Variants in FBXL17 observed in about 807,000 individuals in gnomAD.
FBXL17 encodes the protein F-box and leucine rich repeat protein 17.
In FBXL17, 22 loss-of-function variants were observed where a neutral mutation model predicts 66.2. That is an observed-to-expected ratio of 0.33 (90% CI 0.24 to 0.47). The LOEUF is 0.47. FBXL17 is among the 20% of genes least tolerant of loss of function. The probability of loss-of-function intolerance (pLI) is 1.00; values close to 1 mark genes in which losing one functional copy is unlikely to be tolerated. For synonymous variants in FBXL17, 474 were observed against 400.5 expected (o/e 1.18, Z -2.19); for missense variants, 878 against 948.2 (o/e 0.93, Z 0.97).
At chr5:108,284,477 T>C (rs1480885984) in intron 4 of FBXL17, among the ~76,000 whole-genome samples, 1 of 151,890 alleles carries the variant, frequency 6.6e-6, no homozygotes, top group East Asian at 1.9e-4. Flanking sequence ...ATATTCGTAT[T>C]CCTAAGTGTA....
At chr5:108,063,103 A>G (rs2112847949) in intron 6 of FBXL17, among the ~76,000 whole-genome samples, 1 of 152,278 alleles carries the variant, frequency 6.6e-6, no homozygotes, top group Middle Eastern at 3.4e-3. Flanking sequence ...AGTAGTTTAT[A>G]CCCAAGCATG....
intron 7 of FBXL17, among the ~76,000 whole-genome samples, chr5:107,953,735 A>G (rs1336055848): frequency 6.6e-6 from 1 of 152,012 alleles, no homozygotes; most frequent in African/African-American, 2.4e-5. Context: ...ATCATCTTTG[A>G]CTCCTTCCTT....
At chr5:108,254,781 T>G (rs906977751) in intron 4 of FBXL17, among the ~76,000 whole-genome samples, 1 of 152,210 alleles carries the variant, frequency 6.6e-6, no homozygotes, top group Non-Finnish European at 1.5e-5. Context: ...CCCTACCCTC[T>G]GCTTTCTTTA....
At chr5:108,307,554 C>T (rs1324516746) in intron 4 of FBXL17, among the ~76,000 whole-genome samples, 1 of 152,072 alleles carries the variant, frequency 6.6e-6, no homozygotes, top group Non-Finnish European at 1.5e-5. Flanking sequence ...GCAATCCTCC[C>T]ACCTTGGCCT....
At position 108,265,597 on chromosome 5, in the gene FBXL17, G is replaced by A. The variant is rs530753962; in HGVS notation, c.1507-41369C>T. ...AATGAAACCAACCATTGTTCTTAGG[G>A]CTCACATACACAGTAACATCCTTAC... On this transcript the variant is annotated intron_variant, in intron 4 of 8. Coordinates refer to ENST00000542267, the MANE Select transcript of FBXL17 (RefSeq NM_001163315.3). Among the ~76,000 whole-genome samples, 3 of 151,960 alleles carry A rather than the reference G, an allele frequency of 2.0e-5. No homozygotes were observed. The South Asian group carries it at 6.2e-4, about 32-fold the overall frequency.
At position 108,056,622 on chromosome 5, in the gene FBXL17, G is replaced by C. The variant is rs372145321; in HGVS notation, c.1746-35621C>G. The stretch of plus-strand genomic sequence containing the variant: ...TCAGTGAGATGTAGGCAGCCACAGT[G>C]TTGAGACAGTGCTGTGACTACAAAT... On this transcript the variant is annotated intron_variant, in intron 6 of 8. Coordinates refer to ENST00000542267, the MANE Select transcript of FBXL17 (RefSeq NM_001163315.3). Among the ~76,000 whole-genome samples the C allele has an allele frequency of 2.4e-4, 36 of 152,288 alleles. No individual in the cohort carries two copies. In the South Asian group the frequency reaches 7.3e-3, roughly 31 times the overall value.
intron 6 of FBXL17, among the ~76,000 whole-genome samples, chr5:108,105,968 C>T (rs1749779456): frequency 6.6e-6 from 1 of 152,134 alleles, no homozygotes; most frequent in Admixed American, 6.5e-5. Flanking sequence ...TTACATATTG[C>T]TTTACTGGAT....
At chr5:108,219,928 C>CTTTTTTTTTT in intron 5 of FBXL17, among the ~76,000 whole-genome samples, 742 of 37,418 alleles carry the variant, frequency 0.02, no homozygotes, top group Non-Finnish European at 0.024. Flanking sequence ...TTACTATTTC[C>CTTTTTTTTTT]TTTTTTTTTT....
chr5:108,274,618 G>T (rs1291187097), intron 4 of FBXL17, among the ~76,000 whole-genome samples: 1 of 152,176 alleles, frequency 6.6e-6, no homozygotes, highest in Non-Finnish European at 1.5e-5. Flanking sequence ...ATTAAAGACA[G>T]GCATAGGAAA....
At chr5:107,935,180 CT>C (rs1371765893) in intron 7 of FBXL17, among the ~76,000 whole-genome samples, 3 of 151,814 alleles carry the variant, frequency 2.0e-5, no homozygotes, top group African/African-American at 7.3e-5. Flanking sequence ...ATATTAGATT[CT>C]GGTTGTTATG....
chr5:107,975,730 A>G (rs1752552054), intron 7 of FBXL17, among the ~76,000 whole-genome samples: 1 of 152,172 alleles, frequency 6.6e-6, no homozygotes, highest in Admixed American at 6.5e-5. Context: ...GTTTTCTTCA[A>G]TAAGACACAA....
intron 7 of FBXL17, among the ~76,000 whole-genome samples, chr5:107,893,827 G>A (rs990046497): frequency 6.6e-6 from 1 of 152,104 alleles, no homozygotes; most frequent in Non-Finnish European, 1.5e-5. Flanking sequence ...ATGCAGTTTG[G>A]AAAAAGCTGA....
intron 4 of FBXL17, among the ~76,000 whole-genome samples, chr5:108,268,653 C>A (rs969050159): frequency 6.6e-6 from 1 of 151,552 alleles, no homozygotes; most frequent in East Asian, 1.9e-4. Context: ...AGGAAAGAAA[C>A]GCATTTTCTT....
chr5:108,299,303 C>A (rs1758482087), intron 4 of FBXL17: 1 of 984,480 alleles, frequency 1.0e-6, no homozygotes, highest in African/African-American at 1.7e-5. Context: ...ACCTGAGGTT[C>A]TCACCCACCC....
At chr5:108,356,825 G>A (rs1420249889) in intron 3 of FBXL17, among the ~76,000 whole-genome samples, 1 of 151,858 alleles carries the variant, frequency 6.6e-6, no homozygotes, top group Non-Finnish European at 1.5e-5. Context: ...TATGGGCTTT[G>A]GAAATAAAGA....
intron 6 of FBXL17, among the ~76,000 whole-genome samples, chr5:108,048,377 A>G (rs1747339178): frequency 6.6e-6 from 1 of 152,224 alleles, no homozygotes; most frequent in African/African-American, 2.4e-5. Flanking sequence ...CTGAAAACCC[A>G]AGAGGCCAGA....
Position 108,381,421 on chromosome 5 carries a change from A to T in FBXL17, c.271T>A (p.Tyr91Asn). 7.6e-7 allele frequency: 1 copy of T among 1,321,544 alleles called. No individual in the cohort carries two copies. Among genetic ancestry groups the T allele is most frequent in the Non-Finnish European group, 9.6e-7 (1 of 1,044,178 alleles). The allele number at this position is 1,321,544 out of a possible 1,614,324, so 81.9% of individuals were successfully genotyped here. The change falls in exon 1 of 9, where the codon TAC becomes AAC. Residue 91 changes from tyrosine to asparagine, a missense_variant. This residue lies in a region of FBXL17 where 605 missense variants were observed against 509.5 expected (regional missense o/e 1.19). Transcript: ENST00000542267. The stretch of plus-strand genomic sequence containing the variant: ...TGCTGAGAGGAGGAGGCGGCAGCGT[A>T]GGCCCCGTCCCGCGGCGGCGGCGAG... ...PLSPPPRDGA[Y>N]AAASSSQHLA...
At chr5:108,341,425 G>C (rs1746873839) in intron 4 of FBXL17, among the ~76,000 whole-genome samples, 1 of 152,150 alleles carries the variant, frequency 6.6e-6, no homozygotes, top group African/African-American at 2.4e-5. Flanking sequence ...TAAGACAACA[G>C]AGACTTGAAG....
chr5:108,159,497 G>T (rs747659589), intron 6 of FBXL17, among the ~76,000 whole-genome samples: 3 of 152,106 alleles, frequency 2.0e-5, no homozygotes, highest in Non-Finnish European at 4.4e-5. Flanking sequence ...ATTCACTACC[G>T]TATCAAAGAG....
Sources: gnomAD v4.1 joint callset for allele counts (sites outside exome capture counted in the v4.1 genomes callset) on GRCh38, gnomAD v4.1.1 for gene constraint, gnomAD v4.1.1 regional missense constraint, MANE v1.5 for transcripts, NCBI Gene and HGNC (gene_info 2026-07-23, HGNC 2026-07-21) for gene names.